Variants in AHDC1 observed in about 807,000 individuals in gnomAD.
AHDC1 encodes transcription factor Gibbin.
Under a neutral mutation model 87.9 loss-of-function variants are expected in AHDC1, and 7 were observed. That is an observed-to-expected ratio of 0.08 (90% CI 0.05 to 0.15). The LOEUF is 0.15. AHDC1 is among the 10% of genes least tolerant of loss of function. The pLI is 1.00. For synonymous variants in AHDC1, 1,051 were observed against 1,006.8 expected, an observed-to-expected ratio of 1.04 and a Z score of -0.83; for missense variants, 1,841 against 2,253.2, an observed-to-expected ratio of 0.82 and a Z score of 3.70.
Position 27,547,130 on chromosome 1 carries a change from C to G in AHDC1, c.*43+131G>C. On this transcript the variant is annotated intron_variant, in intron 8 of 8. Transcript: ENST00000673934. This position sits in a 1 kb window ranked among gnomAD's most constrained non-coding sequence, Gnocchi z 4.9. ...GAATCCTGAATCCCTACACCCTGCT[C>G]TCAGTCCCCAGCCTTGCCCTTAAAT... 1 of 620,996 alleles carries G rather than the reference C, an allele frequency of 1.6e-6. No individual in the cohort carries two copies. 38.5% of individuals were successfully genotyped at this position (620,996 alleles called of 1,614,324 possible).
chr1:27,561,010 T>C lies in AHDC1; in HGVS notation c.-628-2127A>G, dbSNP rs1322740668. Among the ~76,000 whole-genome samples, 1 of 152,070 alleles carries C rather than the reference T, an allele frequency of 6.6e-6. No individual in the cohort carries two copies. Among genetic ancestry groups the C allele is most frequent in the Non-Finnish European group, 1.5e-5 (1 of 68,000 alleles). Reference sequence around the variant, plus strand: ...AGCCAGACAACTCCCCAAGCCTGGATTAGGGACAATTTATCCACAGGCAGA... The same window carrying C: ...AGCCAGACAACTCCCCAAGCCTGGACTAGGGACAATTTATCCACAGGCAGA... On this transcript the variant is annotated intron_variant, in intron 3 of 8. Coordinates refer to ENST00000673934, the MANE Select transcript of AHDC1 (RefSeq NM_001371928.1). The surrounding 1 kb of genome is among the most constrained non-coding windows in gnomAD (Gnocchi z 4.2).
At position 27,561,703 on chromosome 1, in the gene AHDC1, G is replaced by GA. The variant is rs2020093320; in HGVS notation, c.-628-2821dup. Among the ~76,000 whole-genome samples the GA allele has an allele frequency of 6.6e-6, 1 of 152,144 alleles. No homozygotes were observed. The highest frequency in any genetic ancestry group is 1.5e-5 in the Non-Finnish European group (1 of 68,032). ...AGAGAGAGAGGAAAAGACAGAGAGA[G>GA]AGAGCGTGCCAGAGGGAGAGAGGAA... On this transcript the variant is annotated intron_variant, in intron 3 of 8. Transcript: ENST00000673934. The surrounding 1 kb of genome is among the most constrained non-coding windows in gnomAD (Gnocchi z 4.2).
chr1:27,594,198 G>A (rs779546945), intron 3 of AHDC1, among the ~76,000 whole-genome samples: 4 of 152,136 alleles, frequency 2.6e-5, no homozygotes, highest in Non-Finnish European at 5.9e-5. Context: ...CTTCACTGTC[G>A]GAACTGACTC....
chr1:27,549,470 C>G lies in AHDC1; in HGVS notation c.2646G>C (p.Gln882His). The change falls in exon 8 of 9, where the codon CAG becomes CAC. Residue 882 changes from glutamine to histidine, a missense_variant. Physicochemically the swap from Gln to His is conservative, Grantham distance 24. Around this residue, in one of 13 missense-constraint regions of AHDC1, gnomAD observed 378 missense variants for 399.0 expected, o/e 0.95. Transcript: ENST00000673934. Reference protein sequence around the residue: ...AGPPTSALPAQRGLATFPSRG... With the variant: ...AGPPTSALPAHRGLATFPSRG... Reference sequence around the variant, plus strand: ...GGCTAGGGAAGGTGGCCAGGCCCCGCTGGGCAGGCAGGGCACTGGTGGGTG... The same window carrying G: ...GGCTAGGGAAGGTGGCCAGGCCCCGGTGGGCAGGCAGGGCACTGGTGGGTG... 1 of 1,612,986 alleles carries G rather than the reference C, an allele frequency of 6.2e-7. No individual in the cohort carries two copies. Among genetic ancestry groups the G allele is most frequent in the Non-Finnish European group, 8.5e-7 (1 of 1,179,846 alleles).
At chr1:27,555,851 G>A (rs970907646) in intron 5 of AHDC1, among the ~76,000 whole-genome samples, 14 of 152,056 alleles carry the variant, frequency 9.2e-5, no homozygotes, top group African/African-American at 2.7e-4. Flanking sequence ...CAACCCACCC[G>A]TGAAGACCTC....
chr1:27,549,279 T>G lies in AHDC1; in HGVS notation c.2837A>C (p.Lys946Thr). 1 of 1,603,470 alleles carries G rather than the reference T, an allele frequency of 6.2e-7. No individual in the cohort carries two copies. Among genetic ancestry groups the G allele is most frequent in the Non-Finnish European group, 8.5e-7 (1 of 1,172,834 alleles). Residue 946 changes from lysine (K) to threonine (T), a missense_variant, in exon 8 of 9, where the codon AAG becomes ACG. By Grantham distance (78) the Lys-to-Thr change is moderately conservative. Transcript: ENST00000673934. ...CATGGCTGAGGGCGGGGGCACCAGCTTGGGGAAGGTCTCGGCTGCCCGGCA... is the reference window on the plus strand; with the variant it reads ...CATGGCTGAGGGCGGGGGCACCAGCGTGGGGAAGGTCTCGGCTGCCCGGCA... ...SDCRAAETFP[K>T]LVPPPSAMAR...
At chr1:27,580,786 T>C (rs2088883136) in intron 3 of AHDC1, among the ~76,000 whole-genome samples, 2 of 152,232 alleles carry the variant, frequency 1.3e-5, no homozygotes, top group Non-Finnish European at 2.9e-5. Flanking sequence ...CTTAGTTCCA[T>C]AGATGGACTT....
chr1:27,596,258 G>C (rs879400266), intron 3 of AHDC1, among the ~76,000 whole-genome samples: 1 of 152,042 alleles, frequency 6.6e-6, no homozygotes, highest in Non-Finnish European at 1.5e-5. Flanking sequence ...CTCCCTGGGG[G>C]GCAGCAGCGG....
chr1:27,541,510 G>A (rs958234652), intron 8 of AHDC1, among the ~76,000 whole-genome samples: 1 of 151,856 alleles, frequency 6.6e-6, no homozygotes, highest in African/African-American at 2.4e-5. Flanking sequence ...GTAGAGACAG[G>A]GTTTCACCAT....
In AHDC1 at chr1:27,560,760, G is replaced by A. The variant is rs201425378; in HGVS notation, c.-628-1877C>T. Among the ~76,000 whole-genome samples, 16 of 152,242 alleles carry A rather than the reference G, an allele frequency of 1.1e-4. No individual in the cohort carries two copies. The East Asian group carries it at 1.7e-3, about 17-fold the overall frequency. On this transcript the variant is annotated intron_variant, in intron 3 of 8. Coordinates refer to ENST00000673934, the MANE Select transcript of AHDC1 (RefSeq NM_001371928.1). This position sits in a 1 kb window ranked among gnomAD's most constrained non-coding sequence, Gnocchi z 4.1. ...TGTGCCAGTATGGCCGTGTGTCAGC[G>A]TCAACATGTGTGAGCAGGTCTGTGT...
Position 27,547,835 on chromosome 1 carries a change from A to G in AHDC1, c.4281T>C (p.His1427=), listed in dbSNP as rs1571226426. ...TKLAACEPLK[H]GLQGASLGHA... The stretch of plus-strand genomic sequence containing the variant: ...GGCCCAGGCTGGCCCCCTGGAGTCC[A>G]TGCTTGAGGGGCTCGCAGGCAGCCA... Residue 1427 remains histidine (H), a synonymous_variant, in exon 8 of 9, where the codon CAT becomes CAC. Transcript: ENST00000673934. The surrounding 1 kb of genome is among the most constrained non-coding windows in gnomAD (Gnocchi z 4.9). 7.1e-6 allele frequency: 11 copies of G among 1,548,622 alleles called. No homozygotes were observed. Among genetic ancestry groups the G allele is most frequent in the East Asian group, 2.3e-5 (1 of 44,184 alleles).
intron 3 of AHDC1, among the ~76,000 whole-genome samples, chr1:27,577,592 C>A (rs552064670): frequency 1.1e-3 from 172 of 152,344 alleles, no homozygotes; most frequent in African/African-American, 3.9e-3. Flanking sequence ...GCTCCCCCCA[C>A]TCCCAAGCAA....
chr1:27,551,530 G>T lies in AHDC1; in HGVS notation c.586C>A (p.Pro196Thr), dbSNP rs1469620759. Residue 196 changes from proline to threonine, a missense_variant, in exon 8 of 9, where the codon CCC becomes ACC. Pro to Thr is a conservative substitution (Grantham distance 38, BLOSUM62 -1). This residue lies in a region of AHDC1 where 370 missense variants were observed against 391.5 expected (regional missense o/e 0.95). Coordinates refer to ENST00000673934, the MANE Select transcript of AHDC1 (RefSeq NM_001371928.1). ...PHAKSERPSH[P>T]LYEPEPEPRD... ...GGCTCAGGCTCAGGCTCGTAGAGGG[G>T]ATGGCTGGGCCGCTCCGACTTGGCG... 1 of 1,605,398 alleles carries T rather than the reference G, an allele frequency of 6.2e-7. No individual in the cohort carries two copies. Among genetic ancestry groups the T allele is most frequent in the African/African-American group, 1.3e-5 (1 of 74,944 alleles).
chr1:27,588,101 C>T (rs1469022376), intron 3 of AHDC1, among the ~76,000 whole-genome samples: 1 of 152,246 alleles, frequency 6.6e-6, no homozygotes, highest in Non-Finnish European at 1.5e-5. Context: ...TGACATCTGC[C>T]TTCTGGCCTC....
intron 3 of AHDC1, among the ~76,000 whole-genome samples, chr1:27,575,192 C>T (rs570732254): frequency 6.6e-6 from 1 of 152,310 alleles, no homozygotes; most frequent in African/African-American, 2.4e-5. Flanking sequence ...GCCGCCGCCT[C>T]TGGGGCTACC....
rs2020192953 is a variant in AHDC1 at position 27,563,544 on chromosome 1, C to A, written c.-628-4661G>T. 6.6e-6 allele frequency among the ~76,000 whole-genome samples: 1 copy of A among 152,228 alleles called. No individual in the cohort carries two copies. Among genetic ancestry groups the A allele is most frequent in the Non-Finnish European group, 1.5e-5 (1 of 68,030 alleles). ...CTTGGACAGGTGACAGCCCACCTCACCCCTCCCCCATCACTGTCACCAGCC... is the reference window on the plus strand; with the variant it reads ...CTTGGACAGGTGACAGCCCACCTCAACCCTCCCCCATCACTGTCACCAGCC... On this transcript the variant is annotated intron_variant, in intron 3 of 8. Coordinates refer to ENST00000673934, the MANE Select transcript of AHDC1 (RefSeq NM_001371928.1). The surrounding 1 kb of genome is among the most constrained non-coding windows in gnomAD (Gnocchi z 6.1).
intron 3 of AHDC1, among the ~76,000 whole-genome samples, chr1:27,602,357 C>T (rs924668543): frequency 2.6e-5 from 4 of 152,342 alleles, no homozygotes; most frequent in Middle Eastern, 3.4e-3. Flanking sequence ...CATCCTTCCT[C>T]CCTCAGCTGG....
chr1:27,539,143 T>C (rs539833314), intron 8 of AHDC1, among the ~76,000 whole-genome samples: 32 of 149,786 alleles, frequency 2.1e-4, no homozygotes, highest in Middle Eastern at 3.5e-3. Context: ...CTTTTCTTTT[T>C]TTTTTTTTTT....
rs1317161943 is a variant in AHDC1 at position 27,547,055 on chromosome 1, G to A, written c.*43+206C>T. On this transcript the variant is annotated intron_variant, in intron 8 of 8. Coordinates refer to ENST00000673934, the MANE Select transcript of AHDC1 (RefSeq NM_001371928.1). The surrounding 1 kb of genome is among the most constrained non-coding windows in gnomAD (Gnocchi z 4.9). ...CCCCCGAACGTTCAAGCCCCCTGCTGAGTTCCCAGCCCAAGCACCCCATCT... is the reference window on the plus strand; with the variant it reads ...CCCCCGAACGTTCAAGCCCCCTGCTAAGTTCCCAGCCCAAGCACCCCATCT... Among the ~76,000 whole-genome samples, 1 of 150,968 alleles carries A rather than the reference G, an allele frequency of 6.6e-6. No homozygotes were observed. The highest frequency in any genetic ancestry group is 2.0e-4 in the East Asian group (1 of 5,106).
Sources: gnomAD v4.1 joint callset for allele counts (sites outside exome capture counted in the v4.1 genomes callset) on GRCh38, gnomAD v4.1.1 for gene constraint, gnomAD v4.1.1 regional missense constraint, Gnocchi (gnomAD v3.1) non-coding constraint, MANE v1.5 for transcripts, NCBI Gene and HGNC (gene_info 2026-07-23, HGNC 2026-07-21) for gene names.